Variants in EPM2A observed in about 807,000 individuals in gnomAD.
EPM2A encodes EPM2A glucan phosphatase, laforin, also known as laforin.
Under a neutral mutation model 26.5 loss-of-function variants are expected in EPM2A, and 21 were observed. The ratio of observed to expected loss-of-function variants is 0.79; its 90% CI spans 0.56 to 1.14. The LOEUF (loss-of-function observed/expected upper bound fraction) is 1.14, where lower values mean the gene tolerates loss of function less well. EPM2A is among the 50% of genes most tolerant of loss of function. The probability of loss-of-function intolerance (pLI) is 0.00; values close to 1 mark genes in which losing one functional copy is unlikely to be tolerated. For synonymous variants in EPM2A, 217 were observed against 177.6 expected, an observed-to-expected ratio of 1.22 and a Z score of -1.76; for missense variants, 458 against 440.8, an observed-to-expected ratio of 1.04 and a Z score of -0.35.
chr6:145,735,173 G>C (rs1269487130), intron 1 of EPM2A, 25 bp downstream of exon 1: 4 of 1,463,060 alleles, frequency 2.7e-6, no homozygotes, highest in South Asian at 2.6e-5. Context: ...GCTCTGCGCC[G>C]GGGGCAGGCG....
chr6:145,711,836 CG>C (rs1562512663), intron 1 of EPM2A, among the ~76,000 whole-genome samples: 3 of 152,036 alleles, frequency 2.0e-5, no homozygotes, highest in African/African-American at 7.2e-5. Context: ...GAAACATCAG[CG>C]GGTCCTCAAA....
At chr6:145,397,074 C>T (rs1778415030) in intron 4 of EPM2A, among the ~76,000 whole-genome samples, 1 of 152,174 alleles carries the variant, frequency 6.6e-6, no homozygotes, top group African/African-American at 2.4e-5. Context: ...GCCTAAAGCT[C>T]TTCTGCTGGT....
intron 2 of EPM2A, among the ~76,000 whole-genome samples, chr6:145,589,959 C>G (rs1781249491): frequency 6.6e-6 from 1 of 151,158 alleles, no homozygotes; most frequent in African/African-American, 2.4e-5. Context: ...ACTAAACAAT[C>G]TGAAAATCAA....
intron 1 of EPM2A, among the ~76,000 whole-genome samples, chr6:145,710,273 A>C (rs1453852687): frequency 6.6e-6 from 1 of 152,178 alleles, no homozygotes; most frequent in African/African-American, 2.4e-5. Flanking sequence ...ATTTACAAGA[A>C]AAAAAACAAA....
At chr6:145,697,134 A>G (rs1416285005) in intron 1 of EPM2A, among the ~76,000 whole-genome samples, 3 of 151,958 alleles carry the variant, frequency 2.0e-5, no homozygotes, top group Non-Finnish European at 4.4e-5. Context: ...GTTCTTTTCT[A>G]TTTTCCCTAA....
intron 4 of EPM2A, among the ~76,000 whole-genome samples, chr6:145,449,359 C>A (rs1779167927): frequency 6.6e-6 from 1 of 152,134 alleles, no homozygotes; most frequent in Non-Finnish European, 1.5e-5. Flanking sequence ...TTTATACAAC[C>A]AGATGCCCCC....
chr6:145,445,479 T>C (rs1158082011), intron 4 of EPM2A, among the ~76,000 whole-genome samples: 4 of 152,340 alleles, frequency 2.6e-5, no homozygotes, highest in African/African-American at 9.6e-5. Flanking sequence ...ATCTAGGCTA[T>C]AATTTTCAGA....
At chr6:145,459,153 T>C in intron 4 of EPM2A, among the ~76,000 whole-genome samples, 1 of 152,150 alleles carries the variant, frequency 6.6e-6, no homozygotes, top group East Asian at 1.9e-4. Context: ...GAATACAGTA[T>C]GGACAAGTGG....
At chr6:145,627,854 AT>A (rs1260252611) in intron 3 of EPM2A, 161 bp from the exon 4 acceptor site, 2 of 1,017,504 alleles carry the variant, frequency 2.0e-6, no homozygotes, top group Non-Finnish European at 2.8e-6. Context: ...AAGTGAGACC[AT>A]TTTACAATCT....
At chr6:145,500,701 G>C (rs406799), downstream of EPM2A, among the ~76,000 whole-genome samples, 68,477 of 151,994 alleles carry the variant, frequency 0.45, 15,469 homozygotes, top group South Asian at 0.58. Flanking sequence ...TGTGTTCCCA[G>C]AGACTCAGAT....
At chr6:145,607,118 C>T (rs540264527) in intron 2 of EPM2A, among the ~76,000 whole-genome samples, 2 of 152,204 alleles carry the variant, frequency 1.3e-5, no homozygotes, top group South Asian at 4.1e-4. Flanking sequence ...GCTGAGCCTC[C>T]AAACCACTCC....
At chr6:145,432,475 A>G (rs758541655) in intron 4 of EPM2A, among the ~76,000 whole-genome samples, 2 of 148,400 alleles carry the variant, frequency 1.3e-5, no homozygotes, top group Non-Finnish European at 3.0e-5. Flanking sequence ...GACCAGCTAC[A>G]TTGTAAATGA....
intron 4 of EPM2A, among the ~76,000 whole-genome samples, chr6:145,398,875 AC>A (rs893764069): frequency 3.3e-5 from 5 of 149,820 alleles, no homozygotes; most frequent in African/African-American, 1.2e-4. Flanking sequence ...AAAAAAAAAA[AC>A]CATCAGAGAC....
At chr6:145,470,188 A>G (rs942597041) in intron 4 of EPM2A, among the ~76,000 whole-genome samples, 1 of 152,184 alleles carries the variant, frequency 6.6e-6, no homozygotes, top group Non-Finnish European at 1.5e-5. Context: ...AATGTTTGTA[A>G]CATCATAAAA....
chr6:145,592,899 A>G (rs1057296596), intron 2 of EPM2A, among the ~76,000 whole-genome samples: 2 of 152,198 alleles, frequency 1.3e-5, no homozygotes, highest in Admixed American at 6.5e-5. Context: ...GATATAAATA[A>G]CAAGCTGTAA....
At chr6:145,463,888 A>G (rs1779355507) in intron 4 of EPM2A, among the ~76,000 whole-genome samples, 1 of 152,116 alleles carries the variant, frequency 6.6e-6, no homozygotes, top group Non-Finnish European at 1.5e-5. Flanking sequence ...CCCAAATCTC[A>G]TCTCGAAGTG....
intron 2 of EPM2A, among the ~76,000 whole-genome samples, chr6:145,530,210 G>GTA (rs1026915124): frequency 6.6e-6 from 1 of 152,176 alleles, no homozygotes; most frequent in Non-Finnish European, 1.5e-5. Context: ...TAATTAGGAA[G>GTA]TACAGTGGGA....
chr6:145,546,095 G>A (rs1780580141), intron 2 of EPM2A, among the ~76,000 whole-genome samples: 1 of 152,158 alleles, frequency 6.6e-6, no homozygotes, highest in South Asian at 2.1e-4. Context: ...TATGGAGGCT[G>A]GAAGTCTCAC....
chr6:145,594,969 AT>A (rs933682575), intron 2 of EPM2A, among the ~76,000 whole-genome samples: 12 of 150,428 alleles, frequency 8.0e-5, no homozygotes, highest in Middle Eastern at 3.5e-3. Flanking sequence ...TTTTGTCCCA[AT>A]TTTTTTTTCT....
Sources: allele counts gnomAD v4.1 joint callset (sites outside exome capture counted in the v4.1 genomes callset), GRCh38; gene constraint gnomAD v4.1.1; transcripts MANE v1.5; gene names NCBI Gene and HGNC (gene_info 2026-07-23, HGNC 2026-07-21).